EHD2: variants seen among roughly 807,000 people sequenced by gnomAD.
EHD2 encodes EH domain containing 2.
Under a neutral mutation model 41.0 loss-of-function variants are expected in EHD2, and 27 were observed. That is an observed-to-expected ratio of 0.66 (90% confidence interval 0.49 to 0.91). The LOEUF (loss-of-function observed/expected upper bound fraction) is 0.91, where lower values mean the gene tolerates loss of function less well. Among genes scored for constraint, EHD2 ranks in the 40% least tolerant of loss-of-function variants. The probability of loss-of-function intolerance (pLI) is 0.00; values close to 1 mark genes in which losing one functional copy is unlikely to be tolerated. For missense variants in EHD2, 673 were observed against 773.9 expected, an observed-to-expected ratio of 0.87 and a Z score of 1.55; for synonymous variants, 342 against 341.0, an observed-to-expected ratio of 1.00 and a Z score of -0.03.
At chr19:47,714,008 C>G (rs1012678264) in intron 1 of EHD2, among the ~76,000 whole-genome samples, 1 of 152,140 alleles carries the variant, frequency 6.6e-6, no homozygotes, top group Non-Finnish European at 1.5e-5. Context: ...CTCCCTCTGC[C>G]CACATCCCAG....
At chr19:47,730,404 T>C (rs996023468) in intron 4 of EHD2, among the ~76,000 whole-genome samples, 2 of 151,858 alleles carry the variant, frequency 1.3e-5, no homozygotes, top group African/African-American at 2.4e-5. Flanking sequence ...GGTTCATCCA[T>C]GGCTCCCCAG....
chr19:47,730,288 C>G (rs1973795015), intron 4 of EHD2, among the ~76,000 whole-genome samples: 2 of 152,140 alleles, frequency 1.3e-5, no homozygotes, highest in African/African-American at 4.8e-5. Flanking sequence ...GGCCCTGCCC[C>G]CTGGCTCCAT....
In EHD2 at chr19:47,719,878, G is replaced by A. The variant is rs1186924511; in HGVS notation, c.502+1272G>A. 3.9e-5 allele frequency among the ~76,000 whole-genome samples: 6 copies of A among 151,970 alleles called. No individual in the cohort carries two copies. Among genetic ancestry groups the A allele is most frequent in the Non-Finnish European group, 5.9e-5 (4 of 67,976 alleles). On this transcript the variant is annotated intron_variant, in intron 3 of 5. Transcript: ENST00000263277. This position sits in a 1 kb window ranked among gnomAD's most constrained non-coding sequence, Gnocchi z 4.1. ...CATGGGTGGTGGGGGAGTGGGGAAC[G>A]GGGTCTCCCTCCCTGGCCTTGAGGA...
intron 4 of EHD2, among the ~76,000 whole-genome samples, chr19:47,727,043 A>T (rs1196987118): frequency 6.6e-6 from 1 of 152,146 alleles, no homozygotes; most frequent in Non-Finnish European, 1.5e-5. Flanking sequence ...TTGATAATTT[A>T]TAAGATTGTG....
Position 47,719,060 on chromosome 19 carries a change from G to A in EHD2, c.502+454G>A, listed in dbSNP as rs1407848013. 6.6e-6 allele frequency among the ~76,000 whole-genome samples: 1 copy of A among 152,188 alleles called. No homozygotes were observed. The highest frequency in any genetic ancestry group is 2.4e-5 in the African/African-American group (1 of 41,444). On this transcript the variant is annotated intron_variant, in intron 3 of 5. Transcript: ENST00000263277. This position sits in a 1 kb window ranked among gnomAD's most constrained non-coding sequence, Gnocchi z 4.1. ...TCTGGCCCTGGCTGGCGGGGCAGCC[G>A]CAGGGAGCTAGTGGAAGCTGTGACT...
intron 4 of EHD2, chr19:47,731,315 ATT>A (rs555237028): frequency 5.9e-5 from 4 of 67,886 alleles, no homozygotes; most frequent in Admixed American, 1.7e-4. Flanking sequence ...TATATATATA[ATT>A]TTTTTTTTTT....
At chr19:47,714,683 A>G (rs958653955) in intron 1 of EHD2, among the ~76,000 whole-genome samples, 1 of 152,042 alleles carries the variant, frequency 6.6e-6, no homozygotes, top group African/African-American at 2.4e-5. Context: ...AGCATTTTCC[A>G]GCTAAGTGAT....
chr19:47,727,883 G>A (rs978017764), intron 4 of EHD2, among the ~76,000 whole-genome samples: 4 of 152,042 alleles, frequency 2.6e-5, no homozygotes, highest in East Asian at 1.9e-4. Context: ...ATCACTTGAG[G>A]TCAGGAGTTC....
Sources: gnomAD v4.1 joint callset for allele counts (sites outside exome capture counted in the v4.1 genomes callset) on GRCh38, gnomAD v4.1.1 for gene constraint, Gnocchi (gnomAD v3.1) non-coding constraint, MANE v1.5 for transcripts, NCBI Gene and HGNC (gene_info 2026-07-23, HGNC 2026-07-21) for gene names.